Variants in SH3D19 observed in about 807,000 individuals in gnomAD.
The protein encoded by SH3D19 is SH3 domain containing 19, also known as SH3 domain-containing protein 19.
In SH3D19, 58 loss-of-function variants were observed where a neutral mutation model predicts 112.1. The observed-to-expected ratio is 0.52, with a 90% CI of 0.42 to 0.64. The LOEUF (loss-of-function observed/expected upper bound fraction) is 0.64. SH3D19 is among the 30% of genes least tolerant of loss of function. The probability of loss-of-function intolerance (pLI) is 0.00; values close to 1 mark genes in which losing one functional copy is unlikely to be tolerated. For synonymous variants in SH3D19, 391 were observed against 448.5 expected, an observed-to-expected ratio of 0.87 and a Z score of 1.62; for missense variants, 1,090 against 1,263.4, an observed-to-expected ratio of 0.86 and a Z score of 2.08.
intron 1 of SH3D19, among the ~76,000 whole-genome samples, chr4:151,287,709 AC>A (rs1279445178): frequency 6.6e-6 from 1 of 152,178 alleles, no homozygotes; most frequent in Non-Finnish European, 1.5e-5. Flanking sequence ...AGACTGGGCA[AC>A]ATAGTGAGAC....
intron 1 of SH3D19, among the ~76,000 whole-genome samples, chr4:151,253,751 A>G (rs978241778): frequency 3.3e-5 from 5 of 151,166 alleles, no homozygotes. Flanking sequence ...AAAAAAAAAA[A>G]AAAACAAGAA....
At chr4:151,223,913 T>A (rs938293137) in intron 2 of SH3D19, among the ~76,000 whole-genome samples, 1 of 152,168 alleles carries the variant, frequency 6.6e-6, no homozygotes, top group Admixed American at 6.5e-5. Flanking sequence ...GGATTCTGTT[T>A]TGTTTTGTTT....
chr4:151,148,969 C>T (rs1395680594), intron 10 of SH3D19, among the ~76,000 whole-genome samples: 3 of 151,956 alleles, frequency 2.0e-5, no homozygotes, highest in Non-Finnish European at 1.5e-5. Flanking sequence ...ACCCGGGAGG[C>T]GGAGGTTGCA....
chr4:151,248,371 AGAATT>A (rs1771104628), intron 1 of SH3D19, among the ~76,000 whole-genome samples: 1 of 152,228 alleles, frequency 6.6e-6, no homozygotes, highest in African/African-American at 2.4e-5. Context: ...TTTAGTGCTT[AGAATT>A]AAGCACAGCT....
intron 2 of SH3D19, among the ~76,000 whole-genome samples, chr4:151,220,627 G>A (rs534668556): frequency 3.0e-4 from 46 of 152,154 alleles, no homozygotes; most frequent in South Asian, 1.9e-3. Flanking sequence ...CCTCTAATTC[G>A]TTTCCCAAAC....
At chr4:151,182,909 T>C (rs1761168985) in intron 3 of SH3D19, among the ~76,000 whole-genome samples, 1 of 152,154 alleles carries the variant, frequency 6.6e-6, no homozygotes, top group Non-Finnish European at 1.5e-5. Flanking sequence ...GTCTGGTACG[T>C]TTTGGGTTAA....
intron 14 of SH3D19, 50 bp from the exon 15 acceptor site, chr4:151,135,182 T>A (rs375150853): frequency 6.9e-6 from 10 of 1,459,822 alleles, no homozygotes; most frequent in Middle Eastern, 2.2e-4. Context: ...CAGATTTTCA[T>A]AAGATAAATT....
chr4:151,180,681 C>T (rs1310119026), intron 3 of SH3D19, among the ~76,000 whole-genome samples: 1 of 151,018 alleles, frequency 6.6e-6, no homozygotes, highest in African/African-American at 2.4e-5. Flanking sequence ...GCTGGCTTTA[C>T]AGGTGTGAGC....
chr4:151,266,526 GA>G (rs1442471417), intron 1 of SH3D19, among the ~76,000 whole-genome samples: 1 of 152,180 alleles, frequency 6.6e-6, no homozygotes, highest in Non-Finnish European at 1.5e-5. Context: ...CCCTGGTTGG[GA>G]AAAGTGAAAA....
At chr4:151,145,356 G>A (rs898702769) in intron 11 of SH3D19, among the ~76,000 whole-genome samples, 2 of 152,118 alleles carry the variant, frequency 1.3e-5, no homozygotes, top group Non-Finnish European at 2.9e-5. Context: ...CACAAAAGAT[G>A]ACATTCCACC....
chr4:151,152,145 G>C (rs1428420600), intron 9 of SH3D19, among the ~76,000 whole-genome samples: 1 of 152,310 alleles, frequency 6.6e-6, no homozygotes, highest in South Asian at 2.1e-4. Flanking sequence ...AGGCACTGCT[G>C]TATCTGACAT....
At chr4:151,204,313 T>G (rs1241708550) in intron 2 of SH3D19, among the ~76,000 whole-genome samples, 1 of 152,134 alleles carries the variant, frequency 6.6e-6, no homozygotes, top group African/African-American at 2.4e-5. Context: ...TTTGACTAGC[T>G]CCATACAAAG....
At chr4:151,268,548 G>A (rs542572741) in intron 1 of SH3D19, among the ~76,000 whole-genome samples, 9 of 148,250 alleles carry the variant, frequency 6.1e-5, no homozygotes, top group South Asian at 2.2e-4. Context: ...CCATTAACTC[G>A]TCATTTAGCA....
intron 9 of SH3D19, among the ~76,000 whole-genome samples, chr4:151,156,112 A>G (rs554202026): frequency 1.8e-3 from 269 of 152,320 alleles, no homozygotes; most frequent in Non-Finnish European, 2.9e-3. Context: ...AATTTAACTG[A>G]GGAAGTGAAA....
rs1035889324 is a variant in SH3D19, at chr4:151,175,568, C to T, written c.636G>A (p.Pro212=). Residue 212 remains proline (P), a synonymous_variant, in exon 7 of 20, where the codon CCG becomes CCA. Coordinates refer to ENST00000604030, the MANE Select transcript of SH3D19 (RefSeq NM_001378122.1). The part of the protein sequence containing the change: ...PLIVFDISEE[P]NCPENPSATR... ...TAGCACTGGGGTTTTCTGGACAATT[C>T]GGTTCTTCAGAAATATCAAAGACGA... The T allele has an allele frequency of 5.9e-5, 79 of 1,345,532 alleles. No homozygotes were observed. The highest frequency in any genetic ancestry group is 2.8e-4 in the African/African-American group (19 of 67,120). The allele number at this position is 1,345,532 out of a possible 1,614,324, so 83.3% of individuals were successfully genotyped here.
intron 13 of SH3D19, among the ~76,000 whole-genome samples, chr4:151,138,994 CT>C (rs1200295133): frequency 6.6e-6 from 1 of 151,674 alleles, no homozygotes; most frequent in African/African-American, 2.4e-5. Flanking sequence ...TGCCCGGCTA[CT>C]TTTTTGTATT....
At chr4:151,266,867 T>C (rs1420211651) in intron 1 of SH3D19, among the ~76,000 whole-genome samples, 1 of 152,182 alleles carries the variant, frequency 6.6e-6, no homozygotes, top group Non-Finnish European at 1.5e-5. Context: ...TATTATCTTA[T>C]TTTGTCTTAA....
intron 8 of SH3D19, among the ~76,000 whole-genome samples, chr4:151,161,005 C>T (rs761097226): frequency 2.2e-4 from 34 of 151,966 alleles, no homozygotes; most frequent in Non-Finnish European, 3.4e-4. Context: ...ATAATACTGT[C>T]GTGACAAATA....
rs2126423131 is a variant in SH3D19 at position 151,325,234 on chromosome 4, C to T, written c.112+7G>A. The stretch of plus-strand genomic sequence containing the variant: ...GTCCCCGCCGCCCCGTCCCCCGCGC[C>T]TCTCACCTGCGGCCGAGTGGCCCGA... On this transcript the variant is annotated splice_region_variant and intron_variant, in intron 1 of 19. Coordinates refer to ENST00000604030, the MANE Select transcript of SH3D19 (RefSeq NM_001378122.1). 1.6e-6 allele frequency: 2 copies of T among 1,218,548 alleles called. No homozygotes were observed. The highest frequency in any genetic ancestry group is 2.0e-6 in the Non-Finnish European group (2 of 978,792). The allele number at this position is 1,218,548 out of a possible 1,614,324, so 75.5% of individuals were successfully genotyped here. A position where few individuals can be genotyped will look rare whatever the true frequency, so the allele number is the denominator to read the frequency against.
Sources: allele counts gnomAD v4.1 joint callset (sites outside exome capture counted in the v4.1 genomes callset), GRCh38; gene constraint gnomAD v4.1.1; transcripts MANE v1.5; gene names NCBI Gene and HGNC (gene_info 2026-07-23, HGNC 2026-07-21).